The following LINC01488 variants were observed in gnomAD, a reference collection of about 807,000 sequenced individuals.
LINC01488 encodes CCND1-upstream intergenic DNA repair 1.
intron 1 of LINC01488, among the ~76,000 whole-genome samples, chr11:69,485,233 C>A (rs1467182195): frequency 1.3e-5 from 2 of 152,146 alleles, no homozygotes; most frequent in Non-Finnish European, 2.9e-5. Flanking sequence ...AGGGTTTTCC[C>A]CCAGGAACAT....
At chr11:69,489,527 G>A (rs1857182155) in intron 1 of LINC01488, among the ~76,000 whole-genome samples, 1 of 152,224 alleles carries the variant, frequency 6.6e-6, no homozygotes, top group African/African-American at 2.4e-5. Flanking sequence ...GGCCTCCCAT[G>A]TGGTATTTTT....
intron 1 of LINC01488, among the ~76,000 whole-genome samples, chr11:69,482,203 AAG>A (rs1378550598): frequency 1.3e-5 from 2 of 152,242 alleles, no homozygotes; most frequent in African/African-American, 4.8e-5. Context: ...GGAGGCAGGC[AAG>A]AGAGCATGTG....
intron 1 of LINC01488, among the ~76,000 whole-genome samples, chr11:69,483,877 T>C (rs1487320266): frequency 2.0e-5 from 3 of 152,018 alleles, no homozygotes; most frequent in Non-Finnish European, 4.4e-5. Context: ...TGCCTCCCGG[T>C]GGGCTGGGGC....
intron 1 of LINC01488, among the ~76,000 whole-genome samples, chr11:69,486,714 C>T (rs1857126681): frequency 6.6e-6 from 1 of 152,142 alleles, no homozygotes; most frequent in Non-Finnish European, 1.5e-5. Context: ...GGGTCATCTT[C>T]CAGGAAGGCC....
At chr11:69,483,798 C>T (rs1272831800) in intron 1 of LINC01488, among the ~76,000 whole-genome samples, 3 of 151,684 alleles carry the variant, frequency 2.0e-5, no homozygotes, top group Non-Finnish European at 3.0e-5. Flanking sequence ...GGCAAGGAAG[C>T]TGACAATAAA....
At chr11:69,489,457 G>T (rs1857180279) in intron 1 of LINC01488, among the ~76,000 whole-genome samples, 2 of 152,252 alleles carry the variant, frequency 1.3e-5, no homozygotes, top group African/African-American at 2.4e-5. Flanking sequence ...CTGGCAGCAT[G>T]CAGGGACCCC....
At chr11:69,491,417 A>G (rs1857218261) in exon 3 of LINC01488, 2 of 152,288 alleles carry the variant, frequency 1.3e-5, no homozygotes, top group South Asian at 4.1e-4. Flanking sequence ...CACATCCTTG[A>G]CCAGACCTGG....
At chr11:69,481,887 TTGAA>T (rs1488516238) in intron 1 of LINC01488, 1 of 150,912 alleles carries the variant, frequency 6.6e-6, no homozygotes, top group Non-Finnish European at 1.5e-5. Flanking sequence ...GGGTGGATGA[TTGAA>T]TGGGTGGATG....
chr11:69,481,849 G>T (rs1857050983), intron 1 of LINC01488: 1 of 152,250 alleles, frequency 6.6e-6, no homozygotes, highest in Admixed American at 6.5e-5. Flanking sequence ...GTGAATGGAT[G>T]GATGGATGGA....
chr11:69,486,978 G>A (rs923653622), intron 1 of LINC01488, among the ~76,000 whole-genome samples: 3 of 152,144 alleles, frequency 2.0e-5, no homozygotes, highest in Non-Finnish European at 4.4e-5. Context: ...GCGTTAACCC[G>A]AAAAGCCGTG....
intron 1 of LINC01488, among the ~76,000 whole-genome samples, chr11:69,482,875 G>T: frequency 6.6e-6 from 1 of 152,112 alleles, no homozygotes; most frequent in Non-Finnish European, 1.5e-5. Context: ...TTTTCACAGG[G>T]TTGTTCCTCT....
At chr11:69,489,631 G>T (rs1455373707) in intron 1 of LINC01488, among the ~76,000 whole-genome samples, 2 of 152,254 alleles carry the variant, frequency 1.3e-5, no homozygotes, top group African/African-American at 2.4e-5. Flanking sequence ...CCATGCACCG[G>T]TAGCGGGTGC....
chr11:69,492,129 G>A (rs1013955633), exon 4 of LINC01488: 1 of 152,280 alleles, frequency 6.6e-6, no homozygotes, highest in African/African-American at 2.4e-5. Flanking sequence ...GATGAGAAGA[G>A]ACTGGAGAGA....
intron 1 of LINC01488, among the ~76,000 whole-genome samples, chr11:69,489,784 A>T (rs1857189124): frequency 6.6e-6 from 1 of 152,238 alleles, no homozygotes; most frequent in Non-Finnish European, 1.5e-5. Flanking sequence ...GTCCTCACAG[A>T]GAACCCCCGT....
At chr11:69,483,358 T>C (rs1590867829) in intron 1 of LINC01488, among the ~76,000 whole-genome samples, 1 of 152,276 alleles carries the variant, frequency 6.6e-6, no homozygotes, top group East Asian at 1.9e-4. Flanking sequence ...CTGTGTGTCT[T>C]TGGGCCTCTT....
intron 1 of LINC01488, among the ~76,000 whole-genome samples, chr11:69,484,484 T>C (rs1367675684): frequency 1.3e-5 from 2 of 152,208 alleles, no homozygotes; most frequent in African/African-American, 2.4e-5. Context: ...AGCCCTGAGA[T>C]GTCACAACTT....
In LINC01488 at chr11:69,482,901, C is replaced by T. The variant is rs142031169; in HGVS notation, n.122+1118C>T. On this transcript the variant is annotated intron_variant and non_coding_transcript_variant, in intron 1 of 3. Coordinates refer to ENST00000644563, the Ensembl canonical transcript of LINC01488. The stretch of plus-strand genomic sequence containing the variant: ...TTGTTCCTCTATGTGGGTCCGTATC[C>T]TAATCTTATGAGGATGCCAGTCATA... Among the ~76,000 whole-genome samples the T allele has an allele frequency of 2.6e-4, 40 of 152,270 alleles. No individual in the cohort carries two copies. In the East Asian group the frequency reaches 3.9e-3, roughly 15 times the overall value.
intron 1 of LINC01488, among the ~76,000 whole-genome samples, chr11:69,484,463 T>C (rs961240205): frequency 2.6e-5 from 4 of 152,208 alleles, no homozygotes; most frequent in South Asian, 2.1e-4. Flanking sequence ...TGTTGAATGA[T>C]GTCCCAAGGG....
intron 1 of LINC01488, among the ~76,000 whole-genome samples, chr11:69,484,477 C>T (rs1407579560): frequency 6.6e-6 from 1 of 152,174 alleles, no homozygotes; most frequent in Non-Finnish European, 1.5e-5. Flanking sequence ...CCAAGGGAGC[C>T]CTGAGATGTC....
Sources: allele counts gnomAD v4.1 joint callset (sites outside exome capture counted in the v4.1 genomes callset), GRCh38; gene constraint gnomAD v4.1.1; transcripts MANE v1.5; gene names NCBI Gene and HGNC (gene_info 2026-07-23, HGNC 2026-07-21).